The following CIMIP6 variants were observed in gnomAD, a reference collection of about 807,000 sequenced individuals.
The protein encoded by CIMIP6 is ciliary microtubule inner protein 6, also known as uncharacterized protein C2orf73.
chr2:54,373,656 C>T, the CIMIP6 span, among the ~76,000 whole-genome samples: 2 of 152,274 alleles, frequency 1.3e-5, no homozygotes, highest in South Asian at 4.1e-4. Context: ...TTTGCCTCCT[C>T]CTCAAAAACT....
At chr2:54,342,184 C>T in the CIMIP6 span, among the ~76,000 whole-genome samples, 1 of 152,166 alleles carries the variant, frequency 6.6e-6, no homozygotes, top group Non-Finnish European at 1.5e-5. Context: ...TGAAGTCCAA[C>T]TCTCTCATCA....
the CIMIP6 span, chr2:54,343,871 T>G: frequency 8.2e-6 from 13 of 1,593,228 alleles, no homozygotes; most frequent in East Asian, 2.7e-4. Flanking sequence ...TCTTGTGGAA[T>G]AGGTAAGGTT....
chr2:54,375,330 A>G, the CIMIP6 span, among the ~76,000 whole-genome samples: 21 of 152,356 alleles, frequency 1.4e-4, no homozygotes, highest in African/African-American at 4.6e-4. Flanking sequence ...TCAAGTTAAT[A>G]AGGAAAATAG....
the CIMIP6 span, among the ~76,000 whole-genome samples, chr2:54,331,750 A>T: frequency 6.6e-6 from 1 of 151,990 alleles, no homozygotes; most frequent in Non-Finnish European, 1.5e-5. Context: ...CATCCAGGTG[A>T]TTCTGATGTA....
chr2:54,352,739 G>A, the CIMIP6 span, among the ~76,000 whole-genome samples: 3 of 152,062 alleles, frequency 2.0e-5, no homozygotes, highest in Non-Finnish European at 2.9e-5. Context: ...TATAACCTAC[G>A]CACATCTTCC....
chr2:54,350,016 A>AT, the CIMIP6 span, among the ~76,000 whole-genome samples: 1 of 151,952 alleles, frequency 6.6e-6, no homozygotes, highest in Admixed American at 6.6e-5. Context: ...TGCCCGGCTA[A>AT]TTTTTTAAAA....
At chr2:54,347,640 A>C in the CIMIP6 span, among the ~76,000 whole-genome samples, 1 of 152,088 alleles carries the variant, frequency 6.6e-6, no homozygotes, top group African/African-American at 2.4e-5. Flanking sequence ...GTCATTTCAT[A>C]AGGGATCCCC....
chr2:54,348,485 T>C, the CIMIP6 span, among the ~76,000 whole-genome samples: 13 of 152,314 alleles, frequency 8.5e-5, no homozygotes, highest in South Asian at 2.7e-3. Flanking sequence ...TAGGGTCTAG[T>C]ACAATGCCCA....
the CIMIP6 span, among the ~76,000 whole-genome samples, chr2:54,336,681 A>G: frequency 7.9e-5 from 12 of 152,238 alleles, no homozygotes; most frequent in South Asian, 8.3e-4. Flanking sequence ...CTGTATTGGA[A>G]TGTTACATGG....
chr2:54,364,844 A>T, the CIMIP6 span, among the ~76,000 whole-genome samples: 1 of 152,246 alleles, frequency 6.6e-6, no homozygotes, highest in African/African-American at 2.4e-5. Flanking sequence ...AACACAGATA[A>T]ATGTAGGATA....
chr2:54,349,328 C>T, the CIMIP6 span, among the ~76,000 whole-genome samples: 1 of 151,916 alleles, frequency 6.6e-6, no homozygotes, highest in South Asian at 2.1e-4. Context: ...AAAAATATTA[C>T]TGGTGAATGA....
At chr2:54,344,517 C>T in the CIMIP6 span, among the ~76,000 whole-genome samples, 13 of 152,258 alleles carry the variant, frequency 8.5e-5, no homozygotes, top group African/African-American at 3.1e-4. Context: ...GAGCTACACG[C>T]CGAGCCAGCA....
chr2:54,342,808 C>T, the CIMIP6 span, among the ~76,000 whole-genome samples: 1 of 152,138 alleles, frequency 6.6e-6, no homozygotes, highest in African/African-American at 2.4e-5. Flanking sequence ...TTTGATTATA[C>T]CGGAAGTTAC....
the CIMIP6 span, chr2:54,360,578 T>TA: frequency 6.8e-7 from 1 of 1,463,088 alleles, no homozygotes; most frequent in East Asian, 2.5e-5. Flanking sequence ...CTTCTTCAGA[T>TA]AAAAATCTAA....
the CIMIP6 span, among the ~76,000 whole-genome samples, chr2:54,346,652 C>A: frequency 1.5e-4 from 23 of 152,260 alleles, no homozygotes; most frequent in African/African-American, 5.3e-4. Context: ...TCACTCCCTG[C>A]CCCCACATTC....
At chr2:54,360,218 G>C in the CIMIP6 span, 4 of 1,592,898 alleles carry the variant, frequency 2.5e-6, no homozygotes, top group Non-Finnish European at 2.6e-6. Context: ...CGGAGCTTTT[G>C]TACAGAGAGA....
the CIMIP6 span, among the ~76,000 whole-genome samples, chr2:54,350,818 T>C: frequency 1.3e-5 from 2 of 152,234 alleles, no homozygotes; most frequent in Non-Finnish European, 2.9e-5. Flanking sequence ...CTTTAATGAA[T>C]GAAAGCACAG....
chr2:54,352,546 T>C, the CIMIP6 span, among the ~76,000 whole-genome samples: 1 of 152,182 alleles, frequency 6.6e-6, no homozygotes, highest in Non-Finnish European at 1.5e-5. Flanking sequence ...ACATACATTA[T>C]TTTTATGGTG....
At chr2:54,334,803 T>A in the CIMIP6 span, 1 of 1,504,122 alleles carries the variant, frequency 6.6e-7, no homozygotes, top group Non-Finnish European at 9.0e-7. Flanking sequence ...TGGTTTACTA[T>A]TTATGTTTTT....
Sources: gnomAD v4.1 joint callset for allele counts (sites outside exome capture counted in the v4.1 genomes callset) on GRCh38, gnomAD v4.1.1 for gene constraint, MANE v1.5 for transcripts, NCBI Gene and HGNC (gene_info 2026-07-23, HGNC 2026-07-21) for gene names.